CAPN13: variants seen among roughly 807,000 people sequenced by gnomAD.
CAPN13 encodes calpain-13.
CAPN13 carries 90 observed loss-of-function variants against 98.4 expected under a neutral mutation model. That is an observed-to-expected ratio of 0.92 (90% CI 0.77 to 1.09). CAPN13 has a LOEUF of 1.09. CAPN13 is among the 50% of genes least tolerant of loss of function. The probability of loss-of-function intolerance (pLI) is 0.00; values close to 1 mark genes in which losing one functional copy is unlikely to be tolerated. For synonymous variants in CAPN13, 330 were observed against 305.5 expected (o/e 1.08, Z -0.84); for missense variants, 887 against 841.3 (o/e 1.05, Z -0.67).
rs13430246 is a variant in CAPN13, at chr2:30,741,317, C to T, written c.1536+591G>A. ...TCCTTGGCCTCTTCCTGGTTCAAGG[C>T]GGCAGGGTAGAGATGATCATCGGTA... is the stretch of plus-strand genomic sequence containing the variant. On this transcript the variant is annotated intron_variant, in intron 15 of 22. Coordinates refer to ENST00000295055, the MANE Select transcript of CAPN13 (RefSeq NM_144575.3). The T allele has an allele frequency of 4.0e-3, 3,643 of 920,460 alleles. 12 individuals carry two copies. The highest frequency in any genetic ancestry group is 4.4e-3 in the South Asian group (89 of 20,006). 57.0% of individuals were successfully genotyped at this position (920,460 alleles called of 1,614,324 possible).
intron 19 of CAPN13, among the ~76,000 whole-genome samples, chr2:30,733,375 C>G (rs1323405909): frequency 6.6e-6 from 1 of 151,886 alleles, no homozygotes; most frequent in African/African-American, 2.4e-5. Flanking sequence ...CTCCATCACC[C>G]CTTTCACTTA....
chr2:30,756,576 G>A (rs1376268445), intron 8 of CAPN13, among the ~76,000 whole-genome samples: 2 of 152,200 alleles, frequency 1.3e-5, no homozygotes, highest in Admixed American at 6.5e-5. Context: ...ATTGTCATTT[G>A]CCTTCCCTCT....
chr2:30,751,651 T>C (rs1205198493), intron 10 of CAPN13, among the ~76,000 whole-genome samples: 2 of 152,166 alleles, frequency 1.3e-5, no homozygotes, highest in African/African-American at 4.8e-5. Context: ...AGATGGCAAT[T>C]ACAGTACTCT....
chr2:30,749,917 T>C (rs1036521096), intron 11 of CAPN13, among the ~76,000 whole-genome samples: 2 of 152,178 alleles, frequency 1.3e-5, no homozygotes, highest in African/African-American at 2.4e-5. Context: ...TTTTAAATGA[T>C]ATTTAAAAAA....
rs1671880878 is a variant in CAPN13 at position 30,745,850 on chromosome 2, C to T, written c.1237-116G>A. On this transcript the variant is annotated intron_variant, in intron 11 of 22. Transcript: ENST00000295055. ...CCCTGCATTCCTTCTCCTTTTCTTCCTCTCTTTTAAAGAATTTATTTTATA... is the reference window on the plus strand; with the variant it reads ...CCCTGCATTCCTTCTCCTTTTCTTCTTCTCTTTTAAAGAATTTATTTTATA... The T allele has an allele frequency of 7.8e-6, 6 of 772,082 alleles. No individual in the cohort carries two copies. The South Asian group carries it at 1.1e-4, about 14-fold the overall frequency. The allele number at this position is 772,082 out of a possible 1,614,324, so 47.8% of individuals were successfully genotyped here. A position where few individuals can be genotyped will look rare whatever the true frequency, so the allele number is the denominator to read the frequency against.
intron 13 of CAPN13, 87 bp from the exon 14 acceptor site, chr2:30,742,446 G>A: frequency 7.0e-7 from 1 of 1,430,480 alleles, no homozygotes; most frequent in Non-Finnish European, 9.6e-7. Context: ...GGTGGCACTG[G>A]ATATTGATGC....
intron 22 of CAPN13, among the ~76,000 whole-genome samples, chr2:30,730,231 CGTGA>C (rs1359742239): frequency 6.6e-6 from 1 of 152,042 alleles, no homozygotes; most frequent in Non-Finnish European, 1.5e-5. Flanking sequence ...GAGGAAATGA[CGTGA>C]GTGTTAATTC....
At chr2:30,800,169 A>AAAGAAAGG (rs1260886975) in intron 1 of CAPN13, among the ~76,000 whole-genome samples, 2 of 151,244 alleles carry the variant, frequency 1.3e-5, no homozygotes, top group Non-Finnish European at 2.9e-5. Context: ...AGAAAGAAAG[A>AAAGAAAGG]AAGAAAGAAA....
intron 20 of CAPN13, among the ~76,000 whole-genome samples, 192 bp from the exon 21 acceptor site, chr2:30,731,591 G>C (rs569321233): frequency 1.3e-5 from 2 of 152,206 alleles, no homozygotes; most frequent in African/African-American, 4.8e-5. Context: ...AGTGGCTCAG[G>C]GCTCACCTCC....
At chr2:30,788,155 T>C (rs1298147373) in intron 1 of CAPN13, among the ~76,000 whole-genome samples, 1 of 152,250 alleles carries the variant, frequency 6.6e-6, no homozygotes, top group Non-Finnish European at 1.5e-5. Flanking sequence ...TGAAGTTTGC[T>C]TTCTGCTTTC....
intron 4 of CAPN13, among the ~76,000 whole-genome samples, chr2:30,773,650 T>C (rs1673525019): frequency 1.3e-5 from 2 of 151,914 alleles, no homozygotes; most frequent in African/African-American, 2.4e-5. Context: ...AATAAGAAAA[T>C]AGCAAGATCG....
chr2:30,731,227 C>T, intron 21 of CAPN13, 117 bp downstream of exon 21: 3 of 870,394 alleles, frequency 3.4e-6, no homozygotes, highest in Non-Finnish European at 5.1e-6. Flanking sequence ...GGGGGGACAG[C>T]TTGGCTGGCC....
At chr2:30,747,956 G>T (rs963623675) in intron 11 of CAPN13, among the ~76,000 whole-genome samples, 1 of 152,238 alleles carries the variant, frequency 6.6e-6, no homozygotes, top group Non-Finnish European at 1.5e-5. Context: ...AAGTAGGAAA[G>T]TGGGCTTGAT....
intron 6 of CAPN13, among the ~76,000 whole-genome samples, chr2:30,763,589 A>G (rs1404159561): frequency 6.6e-6 from 1 of 152,244 alleles, no homozygotes; most frequent in African/African-American, 2.4e-5. Flanking sequence ...ACATGTTTCA[A>G]GATGAAGGAA....
rs369831748 is a variant in CAPN13, at chr2:30,770,378, G to A, written c.459C>T (p.Leu153=). The A allele has an allele frequency of 3.1e-6, 5 of 1,613,912 alleles. No homozygotes were observed. The highest frequency in any genetic ancestry group is 1.3e-5 in the African/African-American group (1 of 74,948). ...DRLPVQGDKC[L]FVRPRHQNQE... is the part of the protein sequence containing the mutation. ...GGTTTTGGTGGCGAGGACGCACAAAGAGGCATTTATCTCCCTGGACAGGTA... is the reference window on the plus strand; with the variant it reads ...GGTTTTGGTGGCGAGGACGCACAAAAAGGCATTTATCTCCCTGGACAGGTA... Residue 153 remains leucine (L), a synonymous_variant, in exon 5 of 23, where the codon CTC becomes CTT. Coordinates refer to ENST00000295055, the MANE Select transcript of CAPN13 (RefSeq NM_144575.3).
chr2:30,724,562 C>T (rs545748017), intron 22 of CAPN13, among the ~76,000 whole-genome samples: 26 of 152,264 alleles, frequency 1.7e-4, no homozygotes, highest in South Asian at 1.0e-3. Flanking sequence ...TGGTTTATGC[C>T]CTTGGAGTGT....
At chr2:30,776,162 T>C (rs902116746) in intron 3 of CAPN13, 117 bp from the exon 4 acceptor site, 7 of 613,898 alleles carry the variant, frequency 1.1e-5, no homozygotes, top group Non-Finnish European at 1.7e-5. Flanking sequence ...AATGCATTTT[T>C]TTTTCCTCTG....
In CAPN13 at chr2:30,736,601, A is replaced by G. The variant is rs190957711; in HGVS notation, c.1654-30T>C. 1.4e-5 allele frequency: 22 copies of G among 1,610,104 alleles called. No homozygotes were observed. In the African/African-American group the frequency reaches 2.4e-4, roughly 18 times the overall value. On this transcript the variant is annotated intron_variant, in intron 17 of 22. Coordinates refer to ENST00000295055, the MANE Select transcript of CAPN13 (RefSeq NM_144575.3). ...GTAAGGAGTTAAGAGTGAACCAGCC[A>G]GCGTGCAAGGTGCAGAGGGGCTGCC... is the stretch of plus-strand genomic sequence containing the variant.
rs1673670546 is a variant in CAPN13 at position 30,775,982 on chromosome 2, A to G, written c.335T>C (p.Ile112Thr). 1.2e-6 allele frequency: 2 copies of G among 1,612,888 alleles called. No individual in the cohort carries two copies. The highest frequency in any genetic ancestry group is 2.7e-5 in the African/African-American group (2 of 74,864). ...GTGTGAAAAGCTTTGGACCATCAGG[A>G]TCTTCTGCCTGTACTGTGGGTTCTG... The part of the protein sequence containing the change: ...LTQNPQYRQK[I>T]LMVQSFSHQY... Residue 112 changes from isoleucine (I) to threonine (T), a missense_variant, in exon 4 of 23, where the codon ATC becomes ACC. Physicochemically the swap from Ile to Thr is moderately conservative, Grantham distance 89. Coordinates refer to ENST00000295055, the MANE Select transcript of CAPN13 (RefSeq NM_144575.3).
Sources: allele counts gnomAD v4.1 joint callset (sites outside exome capture counted in the v4.1 genomes callset), GRCh38; gene constraint gnomAD v4.1.1; transcripts MANE v1.5; gene names NCBI Gene and HGNC (gene_info 2026-07-23, HGNC 2026-07-21).